STAB1: variants seen among roughly 807,000 people sequenced by gnomAD.
The protein encoded by STAB1 is stabilin-1.
In STAB1, 250 loss-of-function variants were observed where a neutral mutation model predicts 332.4. The ratio of observed to expected loss-of-function variants is 0.75; its 90% CI spans 0.68 to 0.84. The LOEUF (loss-of-function observed/expected upper bound fraction) is 0.84, where lower values mean the gene tolerates loss of function less well. Among genes scored for constraint, STAB1 ranks in the 40% least tolerant of loss-of-function variants. The probability of loss-of-function intolerance (pLI) is 0.00; values close to 1 mark genes in which losing one functional copy is unlikely to be tolerated. For synonymous variants in STAB1, 1,475 were observed against 1,390.4 expected, an observed-to-expected ratio of 1.06 and a Z score of -1.35; for missense variants, 3,249 against 3,489.7, an observed-to-expected ratio of 0.93 and a Z score of 1.74.
chr3:52,508,382 G>T (rs1344801301), intron 21 of STAB1, 23 bp downstream of exon 21: 4 of 1,612,072 alleles, frequency 2.5e-6, no homozygotes, highest in African/African-American at 1.3e-5. Flanking sequence ...CTCTCCTGGG[G>T]TGAGGTATGG....
chr3:52,505,280 C>A (rs757019505), intron 13 of STAB1, 39 bp from the exon 14 acceptor site: 1 of 1,611,750 alleles, frequency 6.2e-7, no homozygotes, highest in South Asian at 1.1e-5. Flanking sequence ...AGCAGCCTCA[C>A]CCCTTCCCTG....
chr3:52,513,394 C>T (rs534233433), intron 30 of STAB1, among the ~76,000 whole-genome samples, 153 bp downstream of exon 30: 6 of 152,312 alleles, frequency 3.9e-5, no homozygotes, highest in East Asian at 1.9e-4. Flanking sequence ...GTGCTCAGGA[C>T]GCATTGCTGA....
chr3:52,509,491 C>T (rs368131205), intron 22 of STAB1, 170 bp downstream of exon 22: 22 of 617,962 alleles, frequency 3.6e-5, no homozygotes, highest in Admixed American at 2.1e-4. Flanking sequence ...AGAAGGGAAA[C>T]GAAGCCCCAG....
chr3:52,497,407 C>CTTTTTTTTT (rs1200611448), intron 1 of STAB1, among the ~76,000 whole-genome samples: 2 of 111,778 alleles, frequency 1.8e-5, no homozygotes, highest in African/African-American at 3.8e-5. Flanking sequence ...AATTCGATGC[C>CTTTTTTTTT]TTTTTTTTTT....
chr3:52,506,267 C>G lies in STAB1; in HGVS notation c.1830+17C>G, dbSNP rs200525221. 1.2e-6 allele frequency: 2 copies of G among 1,604,950 alleles called. No individual in the cohort carries two copies. The highest frequency in any genetic ancestry group is 1.7e-6 in the Non-Finnish European group (2 of 1,175,222). ...TCTGAGGAGGTGAGGTGCACGGACACCTGGGCGGATGGTGGGGCTGGCGGT... is the reference window on the plus strand; with the variant it reads ...TCTGAGGAGGTGAGGTGCACGGACAGCTGGGCGGATGGTGGGGCTGGCGGT... On this transcript the variant is annotated intron_variant, in intron 17 of 68. Coordinates refer to ENST00000321725, the MANE Select transcript of STAB1 (RefSeq NM_015136.3).
intron 1 of STAB1, among the ~76,000 whole-genome samples, chr3:52,498,462 G>A (rs753032308): frequency 5.3e-5 from 8 of 152,238 alleles, no homozygotes; most frequent in Non-Finnish European, 8.8e-5. Context: ...CTGTGGTCTC[G>A]GAGAAGCACT....
intron 3 of STAB1, 91 bp downstream of exon 3, chr3:52,501,844 A>G (rs1708470995): frequency 6.5e-6 from 9 of 1,392,440 alleles, no homozygotes; most frequent in Non-Finnish European, 8.9e-6. Context: ...ATTCCCCTTC[A>G]ACTTGTTTGT....
chr3:52,523,255 G>A lies in STAB1; in HGVS notation c.7054G>A (p.Gly2352Ser), dbSNP rs1257181954. ...GGGCTATGCCAATGCCACCCAGCGGGGTCTCGACTTCCTGGACTTCCTGGA... is the reference window on the plus strand; with the variant it reads ...GGGCTATGCCAATGCCACCCAGCGGAGTCTCGACTTCCTGGACTTCCTGGA... ...LLGYANATQR[G>S]LDFLDFLDDE... Residue 2352 changes from glycine (G) to serine (S), a missense_variant, in exon 64 of 69, where the codon GGT becomes AGT. Physicochemically the swap from Gly to Ser is moderately conservative, Grantham distance 56 (BLOSUM62 0). Transcript: ENST00000321725. 1 of 1,613,156 alleles carries A rather than the reference G, an allele frequency of 6.2e-7. No individual in the cohort carries two copies. The highest frequency in any genetic ancestry group is 8.5e-7 in the Non-Finnish European group (1 of 1,180,022).
intron 14 of STAB1, 83 bp from the exon 15 acceptor site, chr3:52,505,585 G>C: frequency 1.4e-6 from 2 of 1,414,564 alleles, no homozygotes; most frequent in South Asian, 2.6e-5. Flanking sequence ...GTTTCCTGCA[G>C]GCCAAAGGTG....
Position 52,504,766 on chromosome 3 carries a change from C to T in STAB1, c.1267C>T (p.Gln423Ter). Residue 423 changes from glutamine (Q) to a stop codon, truncating the protein, a stop_gained, in exon 12 of 69, where the codon CAG (glutamine) becomes TAG (stop). Coordinates refer to ENST00000321725, the MANE Select transcript of STAB1 (RefSeq NM_015136.3). LOFTEE classifies it high-confidence loss of function. ...NASLAQQLCR[Q>*]HIIAGQHILE... ...ATCCCTTGCCCAGCAGCTCTGTAGA[C>T]AGCACATCATCGCAGGGCAGCACAT... 6.2e-7 allele frequency: 1 copy of T among 1,613,888 alleles called. No homozygotes were observed. The highest frequency in any genetic ancestry group is 1.1e-5 in the South Asian group (1 of 91,088).
Position 52,518,367 on chromosome 3 carries a change from G to A in STAB1, c.4809+8G>A, listed in dbSNP as rs1290766961. 1 of 1,611,500 alleles carries A rather than the reference G, an allele frequency of 6.2e-7. No individual in the cohort carries two copies. The highest frequency in any genetic ancestry group is 8.5e-7 in the Non-Finnish European group (1 of 1,179,480). On this transcript the variant is annotated splice_region_variant and intron_variant, in intron 46 of 68. Transcript: ENST00000321725. ...TTCAGCCTCCGCCTCCTGGTGAGTG[G>A]CCAGCTTGGGCCTCTGTGACCTGCA... is the stretch of plus-strand genomic sequence containing the variant.
Position 52,520,302 on chromosome 3 carries a change from G to C in STAB1, c.5499+12G>C. On this transcript the variant is annotated intron_variant, in intron 52 of 68. Coordinates refer to ENST00000321725, the MANE Select transcript of STAB1 (RefSeq NM_015136.3). ...GCCGAACGCGGGCCGTGAGTCTGGG[G>C]AGAGGGCTTGGATGAAGGGAGTAGG... 2.5e-6 allele frequency: 4 copies of C among 1,613,032 alleles called. No individual in the cohort carries two copies. The highest frequency in any genetic ancestry group is 3.4e-6 in the Non-Finnish European group (4 of 1,180,014).
rs1173197788 is a variant in STAB1 at position 52,505,021 on chromosome 3, A to T, written c.1396A>T (p.Lys466Ter). 6.2e-7 allele frequency: 1 copy of T among 1,613,704 alleles called. No individual in the cohort carries two copies. Among genetic ancestry groups the T allele is most frequent in the African/African-American group, 1.3e-5 (1 of 74,924 alleles). The change falls in exon 13 of 69, where the codon AAA becomes TAA. Residue 466 changes from lysine to a stop codon, truncating the protein, a stop_gained. Coordinates refer to ENST00000321725, the MANE Select transcript of STAB1 (RefSeq NM_015136.3). LOFTEE classifies it high-confidence loss of function. ...TCACCAGAAATACTCCTACAAGTAC[A>T]AAGACCAGCCCCAGCAGACGTTCAA... is the stretch of plus-strand genomic sequence containing the variant. ...NQFTKYSYKY[K>*]DQPQQTFNIY...
intron 30 of STAB1, 77 bp downstream of exon 30, chr3:52,513,318 A>C: frequency 7.1e-7 from 1 of 1,403,314 alleles, no homozygotes. Context: ...AGGCTCTCCC[A>C]CATCAGGGGC....
Position 52,513,718 on chromosome 3 carries a change from G to A in STAB1, c.3272G>A (p.Arg1091Lys), listed in dbSNP as rs1709458607. 2 of 1,612,976 alleles carry A rather than the reference G, an allele frequency of 1.2e-6. No homozygotes were observed. Among genetic ancestry groups the A allele is most frequent in the East Asian group, 4.5e-5 (2 of 44,876 alleles). ...CTAAGCTCTGCTGCTGCCTTCCAGAGGGTCTGGGTGCAGAATGCCAGCGTG... is the reference window on the plus strand; with the variant it reads ...CTAAGCTCTGCTGCTGCCTTCCAGAAGGTCTGGGTGCAGAATGCCAGCGTG... ...TRWEIRNISG[R>K]VWVQNASVDV... Residue 1091 changes from arginine (R) to lysine (K), a missense_variant and splice_region_variant, in exon 31 of 69, where the codon AGG becomes AAG. Transcript: ENST00000321725.
Position 52,518,630 on chromosome 3 carries a change from G to T in STAB1, c.4887+17G>T. 4 of 1,609,686 alleles carry T rather than the reference G, an allele frequency of 2.5e-6. No individual in the cohort carries two copies. The highest frequency in any genetic ancestry group is 1.1e-5 in the South Asian group (1 of 90,526). On this transcript the variant is annotated intron_variant, in intron 47 of 68. Coordinates refer to ENST00000321725, the MANE Select transcript of STAB1 (RefSeq NM_015136.3). ...CTGTCGCAGGTATGCAGCCCCCAGA[G>T]CGAGGCTGGGCAGGGCTGGGTGCTC...
chr3:52,495,417 G>T lies in STAB1; in HGVS notation c.4G>T (p.Ala2Ser). The change falls in exon 1 of 69, where the codon GCG (alanine) becomes TCG (serine). Residue 2 changes from alanine to serine, a missense_variant. Transcript: ENST00000321725. ...CTGGACAGCGTGCCCACCAGCCATG[G>T]CGGGGCCCCGGGGCCTCCTCCCACT... M[A>S]GPRGLLPLCL... 1 of 1,340,450 alleles carries T rather than the reference G, an allele frequency of 7.5e-7. No homozygotes were observed. Among genetic ancestry groups the T allele is most frequent in the Non-Finnish European group, 9.6e-7 (1 of 1,038,878 alleles). 83.0% of individuals were successfully genotyped at this position (1,340,450 alleles called of 1,614,324 possible).
rs1450629569 is a variant in STAB1 at position 52,506,216 on chromosome 3, C to T, written c.1796C>T (p.Ala599Val). 6.8e-6 allele frequency: 11 copies of T among 1,612,772 alleles called. No homozygotes were observed. Among genetic ancestry groups the T allele is most frequent in the East Asian group, 2.2e-5 (1 of 44,866 alleles). ...LISKGRILTMANQVLAVNISE... is the reference protein window; with the variant it reads ...LISKGRILTMVNQVLAVNISE... ...TCCAAGGGTCGGATCCTCACCATGG[C>T]GAACCAGGTCCTGGCTGTGAACATT... The change falls in exon 17 of 69, where the codon GCG becomes GTG. Residue 599 changes from alanine to valine, a missense_variant. Transcript: ENST00000321725.
At chr3:52,517,222 C>T (rs573747814) in intron 42 of STAB1, 98 bp from the exon 43 acceptor site, 61 of 1,428,550 alleles carry the variant, frequency 4.3e-5, no homozygotes, top group Non-Finnish European at 5.1e-5. Context: ...GGACTGGGGG[C>T]GCTGAGAGAG....
Sources: allele counts gnomAD v4.1 joint callset (sites outside exome capture counted in the v4.1 genomes callset), GRCh38; gene constraint gnomAD v4.1.1; transcripts MANE v1.5; gene names NCBI Gene and HGNC (gene_info 2026-07-23, HGNC 2026-07-21).